Variants in IGLON5 observed in about 807,000 individuals in gnomAD.
IGLON5 encodes Ig-like domain-containing protein ENSP00000270642.
A neutral mutation model predicts 38.2 loss-of-function variants in IGLON5; 16 were observed. The observed-to-expected ratio is 0.42, with a 90% CI of 0.28 to 0.64. IGLON5 has a LOEUF of 0.64. Among genes scored for constraint, IGLON5 ranks in the 30% least tolerant of loss-of-function variants. The pLI, the probability that IGLON5 is intolerant of heterozygous loss-of-function variation, is 0.23. For synonymous variants in IGLON5, 207 were observed against 216.4 expected, an observed-to-expected ratio of 0.96 and a Z score of 0.38; for missense variants, 366 against 483.4, an observed-to-expected ratio of 0.76 and a Z score of 2.28.
chr19:51,320,546 C>A (rs188431857), intron 1 of IGLON5, among the ~76,000 whole-genome samples: 1 of 152,184 alleles, frequency 6.6e-6, no homozygotes, highest in African/African-American at 2.4e-5. Flanking sequence ...GAGATGACTG[C>A]GTGGGGGTGA....
intron 1 of IGLON5, among the ~76,000 whole-genome samples, chr19:51,321,108 A>G (rs1985045336): frequency 6.6e-6 from 1 of 152,102 alleles, no homozygotes; most frequent in Non-Finnish European, 1.5e-5. Context: ...ACCTGTGTAT[A>G]TGTCTGTGCG....
intron 1 of IGLON5, among the ~76,000 whole-genome samples, chr19:51,319,018 A>C (rs1984989245): frequency 6.6e-6 from 1 of 152,252 alleles, no homozygotes; most frequent in Admixed American, 6.5e-5. Flanking sequence ...AAATGGATCC[A>C]GATCAGAAGC....
Position 51,327,658 on chromosome 19 carries a change from C to T in IGLON5, c.768-74C>T, listed in dbSNP as rs1985250347. On this transcript the variant is annotated intron_variant, in intron 6 of 7. Coordinates refer to ENST00000270642, the MANE Select transcript of IGLON5 (RefSeq NM_001101372.3). The surrounding 1 kb of genome is among the most constrained non-coding windows in gnomAD (Gnocchi z 7.1). The stretch of plus-strand genomic sequence containing the variant: ...GGCAGAATGCTGGGTCACCGGGGAA[C>T]GGAGGAGCCTGAGAGTCGGGGGGCT... 2.0e-6 allele frequency: 3 copies of T among 1,527,142 alleles called. No individual in the cohort carries two copies. The highest frequency in any genetic ancestry group is 2.8e-5 in the African/African-American group (2 of 72,518). 94.6% of individuals were successfully genotyped at this position (1,527,142 alleles called of 1,614,324 possible). A position where few individuals can be genotyped will look rare whatever the true frequency, so the allele number is the denominator to read the frequency against.
chr19:51,321,491 T>C (rs1044869915), intron 1 of IGLON5, among the ~76,000 whole-genome samples: 1 of 152,164 alleles, frequency 6.6e-6, no homozygotes, highest in Admixed American at 6.5e-5. Flanking sequence ...ATCTATGTAA[T>C]TGTTAATCTG....
At position 51,311,807 on chromosome 19, in the gene IGLON5, G is replaced by GC. The variant is rs1274068811; in HGVS notation, c.-34dup. 9.1e-5 allele frequency: 37 copies of GC among 405,326 alleles called. No homozygotes were observed. The highest frequency in any genetic ancestry group is 1.3e-4 in the Non-Finnish European group (33 of 259,284). 25.1% of individuals were successfully genotyped at this position (405,326 alleles called of 1,614,324 possible). A position where few individuals can be genotyped will look rare whatever the true frequency, so the allele number is the denominator to read the frequency against. On this transcript the variant is annotated 5_prime_UTR_variant, in exon 1 of 8. Transcript: ENST00000270642. ...CCCAGGCCTCGCGCGCCCCGGACCG[G>GC]CCCCCCCTTTCCCCTCCCCCTCCGC...
rs749622291 is a variant in IGLON5, at chr19:51,327,814, C to G, written c.850C>G (p.Arg284Gly). 6.4e-7 allele frequency: 1 copy of G among 1,555,300 alleles called. No individual in the cohort carries two copies. Among genetic ancestry groups the G allele is most frequent in the African/African-American group, 1.4e-5 (1 of 73,232 alleles). ...SMLLFANVSA[R>G]HYGNYTCRAA... is the part of the protein sequence containing the mutation. ...GCTTCTCTTTGCCAACGTGAGCGCC[C>G]GGCATTACGGCAACTATACGTGTCG... is the stretch of plus-strand genomic sequence containing the variant. The change falls in exon 7 of 8, where the codon CGG (arginine) becomes GGG (glycine). Residue 284 changes from arginine (R) to glycine (G), a missense_variant. By Grantham distance (125) the Arg-to-Gly change is moderately radical. Transcript: ENST00000270642. The surrounding 1 kb of genome is among the most constrained non-coding windows in gnomAD (Gnocchi z 7.1).
chr19:51,313,591 C>A (rs939701376), intron 1 of IGLON5, among the ~76,000 whole-genome samples: 1 of 151,216 alleles, frequency 6.6e-6, no homozygotes, highest in African/African-American at 2.4e-5. Context: ...CTCTTTCCTT[C>A]TTTCTCTTTC....
intron 1 of IGLON5, 105 bp from the exon 2 acceptor site, chr19:51,321,959 A>G: frequency 2.2e-6 from 2 of 915,184 alleles, no homozygotes; most frequent in Non-Finnish European, 3.5e-6. Context: ...CGGGTGCAGG[A>G]GACGTCTGTG....
At chr19:51,322,425 TC>T (rs1568458571) in intron 2 of IGLON5, among the ~76,000 whole-genome samples, 217 of 144,218 alleles carry the variant, frequency 1.5e-3, no homozygotes, top group African/African-American at 5.8e-3. Flanking sequence ...GGGACAGAGA[TC>T]CAGAGAGAAG....
intron 1 of IGLON5, among the ~76,000 whole-genome samples, chr19:51,315,688 C>CTTTTTTTTTTTTTTTTTTTT (rs756194855): frequency 1.2e-5 from 1 of 82,582 alleles, no homozygotes; most frequent in African/African-American, 4.5e-5. Flanking sequence ...GGAAGTCAAC[C>CTTTTTTTTTTTTTTTTTTTT]TTTTTTTTTT....
At chr19:51,314,558 G>A (rs1441674154) in intron 1 of IGLON5, among the ~76,000 whole-genome samples, 5 of 152,246 alleles carry the variant, frequency 3.3e-5, no homozygotes, top group Non-Finnish European at 7.3e-5. Context: ...GAGCCAGGAG[G>A]TGGCTTGTGA....
rs1985207317 is a variant in IGLON5 at position 51,325,979 on chromosome 19, C to T, written c.511+514C>T. Among the ~76,000 whole-genome samples, 1 of 152,142 alleles carries T rather than the reference C, an allele frequency of 6.6e-6. No individual in the cohort carries two copies. The highest frequency in any genetic ancestry group is 2.1e-4 in the South Asian group (1 of 4,820). The stretch of plus-strand genomic sequence containing the variant: ...ACCAAGACCTGCTAAATCCAAAGCT[C>T]CCTCTCGCTCCACAAGCCCCAAGAA... On this transcript the variant is annotated intron_variant, in intron 4 of 7. Coordinates refer to ENST00000270642, the MANE Select transcript of IGLON5 (RefSeq NM_001101372.3). This position sits in a 1 kb window ranked among gnomAD's most constrained non-coding sequence, Gnocchi z 5.5.
In IGLON5 at chr19:51,329,607, C is replaced by G. The variant is rs1429000076; in HGVS notation, c.*848C>G. Reference sequence around the variant, plus strand: ...CAGACTGGTGGCAGGAGTCACCTGTCTGTTTCAGTGCTTTGCCCTACCCTT... The same window carrying G: ...CAGACTGGTGGCAGGAGTCACCTGTGTGTTTCAGTGCTTTGCCCTACCCTT... On this transcript the variant is annotated 3_prime_UTR_variant, in exon 8 of 8. Coordinates refer to ENST00000270642, the MANE Select transcript of IGLON5 (RefSeq NM_001101372.3). The surrounding 1 kb of genome is among the most constrained non-coding windows in gnomAD (Gnocchi z 4.3). The G allele has an allele frequency of 2.0e-5, 3 of 152,216 alleles. No homozygotes were observed. The East Asian group carries it at 5.8e-4, about 29-fold the overall frequency. The allele number at this position is 152,216 out of a possible 1,614,324, so 9.4% of individuals were successfully genotyped here.
chr19:51,312,325 A>T (rs1984787557), intron 1 of IGLON5, among the ~76,000 whole-genome samples: 1 of 151,348 alleles, frequency 6.6e-6, no homozygotes, highest in African/African-American at 2.4e-5. Flanking sequence ...GGCAGGGGAT[A>T]ATGCCCTGTT....
rs1474756673 is a variant in IGLON5, at chr19:51,327,892, T to C, written c.922+6T>C. 4 of 1,482,396 alleles carry C rather than the reference T, an allele frequency of 2.7e-6. No homozygotes were observed. The highest frequency in any genetic ancestry group is 3.6e-6 in the Non-Finnish European group (4 of 1,112,900). The allele number at this position is 1,482,396 out of a possible 1,614,324, so 91.8% of individuals were successfully genotyped here. A position where few individuals can be genotyped will look rare whatever the true frequency, so the allele number is the denominator to read the frequency against. On this transcript the variant is annotated splice_donor_region_variant and intron_variant, in intron 7 of 7. Transcript: ENST00000270642. This position sits in a 1 kb window ranked among gnomAD's most constrained non-coding sequence, Gnocchi z 7.1. Reference sequence around the variant, plus strand: ...CGCCTCCATGCGGCTCCTGCGTGCGTCTTCGGGCGGGGCGGGGCCGGGAAG... The same window carrying C: ...CGCCTCCATGCGGCTCCTGCGTGCGCCTTCGGGCGGGGCGGGGCCGGGAAG...
rs1365631824 is a variant in IGLON5, at chr19:51,327,965, G to A, written c.922+79G>A. On this transcript the variant is annotated intron_variant, in intron 7 of 7. Coordinates refer to ENST00000270642, the MANE Select transcript of IGLON5 (RefSeq NM_001101372.3). This position sits in a 1 kb window ranked among gnomAD's most constrained non-coding sequence, Gnocchi z 7.1. ...CTAGGGAAGTGGAGACGCCGGGACC[G>A]CCCTTCAGGCTGGCCCTGAACTTAG... 3 of 1,384,812 alleles carry A rather than the reference G, an allele frequency of 2.2e-6. No homozygotes were observed. The highest frequency in any genetic ancestry group is 2.6e-5 in the East Asian group (1 of 38,352). 85.8% of individuals were successfully genotyped at this position (1,384,812 alleles called of 1,614,324 possible). A position where few individuals can be genotyped will look rare whatever the true frequency, so the allele number is the denominator to read the frequency against.
chr19:51,312,991 C>T (rs1445893139), intron 1 of IGLON5, among the ~76,000 whole-genome samples: 1 of 152,138 alleles, frequency 6.6e-6, no homozygotes, highest in Non-Finnish European at 1.5e-5. Context: ...TCCCCCAGGC[C>T]CTCCCCTGAA....
chr19:51,319,450 G>C (rs1316752303), intron 1 of IGLON5, among the ~76,000 whole-genome samples: 1 of 152,156 alleles, frequency 6.6e-6, no homozygotes, highest in Non-Finnish European at 1.5e-5. Flanking sequence ...TTGTAGCTTT[G>C]TGTGCGTCTG....
At chr19:51,313,683 C>CTTTCTTTCT (rs1568456742) in intron 1 of IGLON5, among the ~76,000 whole-genome samples, 2 of 63,776 alleles carry the variant, frequency 3.1e-5, no homozygotes, top group Admixed American at 1.4e-4. Context: ...TTCTTTCTTT[C>CTTTCTTTCT]TTTCTTTCTT....
Sources: allele counts gnomAD v4.1 joint callset (sites outside exome capture counted in the v4.1 genomes callset), GRCh38; gene constraint gnomAD v4.1.1; non-coding constraint Gnocchi (gnomAD v3.1); transcripts MANE v1.5; gene names NCBI Gene and HGNC (gene_info 2026-07-23, HGNC 2026-07-21).